The following CADM2 variants were observed in gnomAD, a reference collection of about 807,000 sequenced individuals.
CADM2 encodes the protein immunoglobulin superfamily member 4D.
CADM2 carries 12 observed loss-of-function variants against 49.8 expected under a neutral mutation model. The ratio of observed to expected loss-of-function variants is 0.24; its 90% CI spans 0.15 to 0.39. The LOEUF (loss-of-function observed/expected upper bound fraction) is 0.39. CADM2 is among the 10% of genes least tolerant of loss of function. The pLI is 1.00. For synonymous variants in CADM2, 214 were observed against 175.4 expected (o/e 1.22, Z -1.74); for missense variants, 378 against 492.3 (o/e 0.77, Z 2.20).
chr3:85,147,001 A>G (rs993670820), intron 1 of CADM2, among the ~76,000 whole-genome samples: 1 of 152,090 alleles, frequency 6.6e-6, no homozygotes, highest in Non-Finnish European at 1.5e-5. Context: ...GGCCGGGCGC[A>G]GTGGCTCACG....
intron 1 of CADM2, among the ~76,000 whole-genome samples, chr3:85,539,830 T>G (rs1325909554): frequency 6.6e-6 from 1 of 152,018 alleles, no homozygotes; most frequent in Admixed American, 6.6e-5. Context: ...AAATGGACAG[T>G]GGTGTCGTTG....
intron 1 of CADM2, among the ~76,000 whole-genome samples, chr3:85,495,089 G>A (rs1276840461): frequency 6.6e-6 from 1 of 152,084 alleles, no homozygotes; most frequent in Non-Finnish European, 1.5e-5. Context: ...TTCGCAATCA[G>A]GTAAATCTGC....
chr3:85,085,944 A>G (rs1019355993), intron 1 of CADM2, among the ~76,000 whole-genome samples: 2 of 152,188 alleles, frequency 1.3e-5, no homozygotes, highest in African/African-American at 4.8e-5. Context: ...CAGTGATTGC[A>G]AACAAGAGTT....
At chr3:85,664,535 A>T (rs555178394) in intron 1 of CADM2, among the ~76,000 whole-genome samples, 1 of 151,892 alleles carries the variant, frequency 6.6e-6, no homozygotes, top group Admixed American at 6.6e-5. Flanking sequence ...TATACCCAAA[A>T]TCACTCCAAC....
chr3:85,775,123 G>A (rs1013474316), intron 2 of CADM2, among the ~76,000 whole-genome samples: 2 of 151,552 alleles, frequency 1.3e-5, no homozygotes, highest in Admixed American at 6.6e-5. Flanking sequence ...TTCAACATTA[G>A]AAATAAATGG....
At chr3:85,760,864 A>G (rs1050699518) in intron 2 of CADM2, among the ~76,000 whole-genome samples, 25 of 152,230 alleles carry the variant, frequency 1.6e-4, no homozygotes, top group Admixed American at 1.4e-3. Context: ...TTTGAAAAAT[A>G]GGTAATAAAT....
chr3:86,012,451 G>T, intron 8 of CADM2: 1 of 521,554 alleles, frequency 1.9e-6, no homozygotes, highest in East Asian at 4.1e-5. Flanking sequence ...CCCGCGCGCC[G>T]GCCCTGCAGA....
intron 3 of CADM2, among the ~76,000 whole-genome samples, chr3:85,858,318 A>G (rs191003779): frequency 6.6e-6 from 1 of 152,326 alleles, no homozygotes; most frequent in Non-Finnish European, 1.5e-5. Flanking sequence ...ATCCGATTAT[A>G]TTACATTTAA....
At position 86,068,643 on chromosome 3, in the gene CADM2, T is replaced by C. The variant is rs2107452226; in HGVS notation, c.*1860T>C. 1 of 152,446 alleles carries C rather than the reference T, an allele frequency of 6.6e-6. No homozygotes were observed. Among genetic ancestry groups the C allele is most frequent in the African/African-American group, 2.4e-5 (1 of 41,552 alleles). 9.4% of individuals were successfully genotyped at this position (152,446 alleles called of 1,614,324 possible). Reference sequence around the variant, plus strand: ...GGAAAATGTTAGAATTTTAAAGTTTTTTTTTGATTGTTGAAGCATTTATCT... The same window carrying C: ...GGAAAATGTTAGAATTTTAAAGTTTCTTTTTGATTGTTGAAGCATTTATCT... On this transcript the variant is annotated 3_prime_UTR_variant, in exon 10 of 10. Transcript: ENST00000383699.
intron 1 of CADM2, among the ~76,000 whole-genome samples, chr3:85,607,722 T>C (rs1009735754): frequency 6.6e-6 from 1 of 151,964 alleles, no homozygotes; most frequent in Non-Finnish European, 1.5e-5. Context: ...AGTGGCGCCA[T>C]CTCAGCTCAC....
intron 1 of CADM2, among the ~76,000 whole-genome samples, chr3:85,020,943 T>C (rs900130276): frequency 6.6e-6 from 1 of 151,984 alleles, no homozygotes; most frequent in African/African-American, 2.4e-5. Context: ...TGGCATTAAT[T>C]TTTTCTCTTT....
At chr3:85,108,526 A>G (rs2038333377) in intron 1 of CADM2, among the ~76,000 whole-genome samples, 1 of 152,172 alleles carries the variant, frequency 6.6e-6, no homozygotes, top group Non-Finnish European at 1.5e-5. Context: ...AGTACATACC[A>G]GAGGCTGGGT....
chr3:85,416,694 A>C (rs2035936844), intron 1 of CADM2, among the ~76,000 whole-genome samples: 1 of 152,136 alleles, frequency 6.6e-6, no homozygotes, highest in Admixed American at 6.5e-5. Context: ...AATTTCACAA[A>C]AGTATGCCTG....
chr3:85,541,385 G>T (rs1179994126), intron 1 of CADM2, among the ~76,000 whole-genome samples: 1 of 151,294 alleles, frequency 6.6e-6, no homozygotes. Context: ...TTGAATGAAT[G>T]TGATAGCTTT....
chr3:85,882,529 G>C (rs1285788655), intron 3 of CADM2, among the ~76,000 whole-genome samples: 1 of 152,034 alleles, frequency 6.6e-6, no homozygotes, highest in African/African-American at 2.4e-5. Flanking sequence ...ACCTTTTAGA[G>C]TACTCTTTTA....
chr3:85,991,596 C>A lies in CADM2; in HGVS notation c.970+29949C>A, dbSNP rs77745599. ...ATCAGAAATAATCTGGTTTGGATGC[C>A]AAGTGCATGATATGCAAGTTATAGT... On this transcript the variant is annotated intron_variant, in intron 8 of 9. Transcript: ENST00000383699. Among the ~76,000 whole-genome samples the A allele has an allele frequency of 3.3e-5, 5 of 152,088 alleles. No homozygotes were observed. In the East Asian group the frequency reaches 9.7e-4, roughly 29 times the overall value.
intron 1 of CADM2, among the ~76,000 whole-genome samples, chr3:85,408,477 T>G (rs1365625018): frequency 1.3e-5 from 2 of 152,206 alleles, no homozygotes; most frequent in East Asian, 3.8e-4. Context: ...ATTTGTTAAG[T>G]TTTGATGTTG....
At chr3:85,195,053 C>A (rs2041308736) in intron 1 of CADM2, among the ~76,000 whole-genome samples, 1 of 151,980 alleles carries the variant, frequency 6.6e-6, no homozygotes. Flanking sequence ...GAAACCTGAA[C>A]TTTGAGAAGC....
chr3:85,126,430 A>G (rs1274491523), intron 1 of CADM2, among the ~76,000 whole-genome samples: 1 of 152,132 alleles, frequency 6.6e-6, no homozygotes, highest in African/African-American at 2.4e-5. Context: ...GTGGGGAAAA[A>G]AATCAGAAGT....
Sources: gnomAD v4.1 joint callset for allele counts (sites outside exome capture counted in the v4.1 genomes callset) on GRCh38, gnomAD v4.1.1 for gene constraint, MANE v1.5 for transcripts, NCBI Gene and HGNC (gene_info 2026-07-23, HGNC 2026-07-21) for gene names.